Variants in PRELID2 observed in about 807,000 individuals in gnomAD.
PRELID2 encodes the protein PRELI domain-containing protein 2.
A neutral mutation model predicts 28.4 loss-of-function variants in PRELID2; 25 were observed. The ratio of observed to expected loss-of-function variants is 0.88; its 90% CI spans 0.64 to 1.23. The LOEUF is 1.23. PRELID2 is among the 50% of genes most tolerant of loss of function. The pLI is 0.00. For missense variants in PRELID2, 201 were observed against 214.4 expected (o/e 0.94, Z 0.39); for synonymous variants, 76 against 71.6 (o/e 1.06, Z -0.31).
the PRELID2 span, among the ~76,000 whole-genome samples, chr5:145,337,721 A>ATATG: frequency 1.1e-4 from 4 of 36,660 alleles, no homozygotes; most frequent in African/African-American, 4.7e-4. Context: ...ATATATATAT[A>ATATG]TATATATATA....
Position 145,762,837 on chromosome 5 carries a change from C to T in PRELID2, c.*10+2094G>A, listed in dbSNP as rs180784119. The stretch of plus-strand genomic sequence containing the variant: ...CAAAAGTTGACCGAATACATGACAA[C>T]AATATCTAACTCCTAGCTATTAGCT... On this transcript the variant is annotated intron_variant, in intron 6 of 6. Transcript: ENST00000683046. Among the ~76,000 whole-genome samples the T allele has an allele frequency of 2.2e-3, 338 of 152,338 alleles. 1 individual carries two copies. The highest frequency in any genetic ancestry group is 7.8e-3 in the African/African-American group (323 of 41,568).
chr5:145,335,761 C>A, the PRELID2 span, among the ~76,000 whole-genome samples: 1 of 152,086 alleles, frequency 6.6e-6, no homozygotes, highest in Non-Finnish European at 1.5e-5. Context: ...CTCAAAGAAC[C>A]TTGCATAGTC....
chr5:145,394,145 G>A, the PRELID2 span, among the ~76,000 whole-genome samples: 33 of 152,084 alleles, frequency 2.2e-4, no homozygotes, highest in Admixed American at 1.0e-3. Flanking sequence ...TGTTTATAGC[G>A]GCACTATTCA....
chr5:145,647,729 T>G (rs1561530943), intron 1 of PRELID2, among the ~76,000 whole-genome samples: 1 of 152,202 alleles, frequency 6.6e-6, no homozygotes, highest in Non-Finnish European at 1.5e-5. Flanking sequence ...AAGTGCAGTA[T>G]CTGGGCCAGA....
intron 1 of PRELID2, among the ~76,000 whole-genome samples, chr5:145,686,256 C>T (rs1755036754): frequency 6.6e-6 from 1 of 152,194 alleles, no homozygotes; most frequent in Admixed American, 6.5e-5. Flanking sequence ...GTAGGGACCA[C>T]ATCTGAGTTA....
At chr5:145,806,035 G>C (rs1024732108) in intron 4 of PRELID2, among the ~76,000 whole-genome samples, 16 of 152,310 alleles carry the variant, frequency 1.1e-4, no homozygotes, top group Non-Finnish European at 2.1e-4. Flanking sequence ...TGAGTGGTGA[G>C]TCAATGCAAA....
At chr5:145,801,072 T>C (rs1385887853) in intron 4 of PRELID2, among the ~76,000 whole-genome samples, 2 of 152,240 alleles carry the variant, frequency 1.3e-5, no homozygotes, top group South Asian at 2.1e-4. Flanking sequence ...ATTAGAATTA[T>C]ATATGTTATT....
chr5:145,805,976 T>C (rs1257644227), intron 4 of PRELID2, among the ~76,000 whole-genome samples: 12 of 152,270 alleles, frequency 7.9e-5, no homozygotes, highest in African/African-American at 2.4e-4. Flanking sequence ...ACACTTACCA[T>C]GAATGATGGA....
the PRELID2 span, among the ~76,000 whole-genome samples, chr5:145,307,325 A>G: frequency 2.0e-5 from 3 of 152,196 alleles, no homozygotes; most frequent in Admixed American, 6.5e-5. Context: ...CTCACACAGC[A>G]GGTGGCCAGA....
Position 145,741,656 on chromosome 5 carries a change from T to A in PRELID2, n.70+23275A>T, listed in dbSNP as rs1225220959. ...TTATAATTTATTTATATATAAATAATTTATTTATATATAAATAATTTATAA... is the reference window on the plus strand; with the variant it reads ...TTATAATTTATTTATATATAAATAAATTATTTATATATAAATAATTTATAA... On this transcript the variant is annotated intron_variant and non_coding_transcript_variant, in intron 1 of 2. Coordinates refer to the PRELID2 transcript ENST00000510259. Among the ~76,000 whole-genome samples the A allele has an allele frequency of 3.4e-3, 75 of 22,116 alleles. 32 individuals are homozygous for A. The East Asian group carries it at 0.18, about 52-fold the overall frequency. 14.5% of individuals were successfully genotyped at this position (22,116 alleles called of 152,430 possible).
At chr5:145,295,785 T>C in the PRELID2 span, among the ~76,000 whole-genome samples, 1 of 152,170 alleles carries the variant, frequency 6.6e-6, no homozygotes, top group Non-Finnish European at 1.5e-5. Flanking sequence ...TTATCTTATC[T>C]ACATGTATTT....
chr5:145,536,064 T>C (rs958773480), intron 1 of PRELID2, among the ~76,000 whole-genome samples: 4 of 151,920 alleles, frequency 2.6e-5, no homozygotes, highest in Admixed American at 2.6e-4. Context: ...GTGTTGGACT[T>C]GTTTCCACGG....
intron 2 of PRELID2, among the ~76,000 whole-genome samples, chr5:145,472,601 G>GC (rs1402715277): frequency 6.6e-6 from 1 of 152,128 alleles, no homozygotes; most frequent in Non-Finnish European, 1.5e-5. Context: ...AGCCCTTTAT[G>GC]CCTACTACCT....
chr5:145,387,936 C>CA, the PRELID2 span, among the ~76,000 whole-genome samples: 3,065 of 110,996 alleles, frequency 0.028, 48 homozygotes, highest in African/African-American at 0.056. Context: ...AAGACAGAAC[C>CA]AAAAAAAAAA....
At chr5:145,332,344 A>G in the PRELID2 span, among the ~76,000 whole-genome samples, 40,875 of 152,040 alleles carry the variant, frequency 0.27, 5,639 homozygotes, top group South Asian at 0.34. Context: ...TCTCCTGGAT[A>G]ATATCCTGAA....
the PRELID2 span, among the ~76,000 whole-genome samples, chr5:145,269,318 A>G: frequency 1.3e-5 from 2 of 152,146 alleles, no homozygotes; most frequent in Non-Finnish European, 2.9e-5. Context: ...CATTGAAACA[A>G]TAAATCTTCC....
At chr5:145,280,141 G>A in the PRELID2 span, among the ~76,000 whole-genome samples, 1 of 152,104 alleles carries the variant, frequency 6.6e-6, no homozygotes, top group East Asian at 1.9e-4. Context: ...ATAGGGTTCA[G>A]GGGAGCCATT....
chr5:145,385,442 T>C, the PRELID2 span, among the ~76,000 whole-genome samples: 1 of 152,282 alleles, frequency 6.6e-6, no homozygotes, highest in Middle Eastern at 3.4e-3. Context: ...GCTCAGATGG[T>C]GTCTTCCATC....
the PRELID2 span, among the ~76,000 whole-genome samples, chr5:145,405,699 G>GTTTTTTTTTTTTTTTTT: frequency 2.2e-5 from 1 of 45,992 alleles, no homozygotes; most frequent in African/African-American, 7.5e-5. Flanking sequence ...GTACCACATA[G>GTTTTTTTTTTTTTTTTT]TTGTTTTTTT....
Sources: gnomAD v4.1 joint callset for allele counts (sites outside exome capture counted in the v4.1 genomes callset) on GRCh38, gnomAD v4.1.1 for gene constraint, MANE v1.5 for transcripts, NCBI Gene and HGNC (gene_info 2026-07-23, HGNC 2026-07-21) for gene names.